KIF13A: variants seen among roughly 807,000 people sequenced by gnomAD.
KIF13A encodes kinesin family member 13A.
A neutral mutation model predicts 212.2 loss-of-function variants in KIF13A; 79 were observed. The ratio of observed to expected loss-of-function variants is 0.37; its 90% CI spans 0.31 to 0.45. KIF13A has a LOEUF of 0.45. Among genes scored for constraint, KIF13A ranks in the 20% least tolerant of loss-of-function variants. KIF13A has a pLI of 1.00. For missense variants in KIF13A, 1,901 were observed against 2,209.0 expected (o/e 0.86, Z 2.79); for synonymous variants, 789 against 808.6 (o/e 0.98, Z 0.41).
chr6:17,828,394 GA>G lies in KIF13A; in HGVS notation c.1402-25del. On this transcript the variant is annotated intron_variant, in intron 13 of 38. Transcript: ENST00000259711. The surrounding 1 kb of genome is among the most constrained non-coding windows in gnomAD (Gnocchi z 4.3). ...TCCTAGTAAAAGATTATTAAGGAAA[GA>G]AAAACCCACATTTATGAGTAACTCA... The G allele has an allele frequency of 1.3e-6, 2 of 1,595,324 alleles. No individual in the cohort carries two copies. Among genetic ancestry groups the G allele is most frequent in the Non-Finnish European group, 1.7e-6 (2 of 1,171,948 alleles).
chr6:17,812,326 C>G (rs1763499352), intron 17 of KIF13A: 1 of 151,584 alleles, frequency 6.6e-6, no homozygotes, highest in African/African-American at 2.4e-5. Context: ...TTTTTTTTTC[C>G]TGAGCCTCTC....
intron 2 of KIF13A, among the ~76,000 whole-genome samples, chr6:17,976,455 C>A (rs1194752431): frequency 6.6e-6 from 1 of 152,204 alleles, no homozygotes; most frequent in Non-Finnish European, 1.5e-5. Context: ...TTGCCCGGGG[C>A]CGGCAAGGCC....
chr6:17,931,261 C>G (rs577283474), intron 2 of KIF13A, among the ~76,000 whole-genome samples: 2 of 152,270 alleles, frequency 1.3e-5, no homozygotes, highest in Non-Finnish European at 2.9e-5. Context: ...TATACAAATT[C>G]TTTACTGTTC....
intron 34 of KIF13A, among the ~76,000 whole-genome samples, chr6:17,775,663 T>A (rs1473375695): frequency 2.0e-5 from 3 of 152,186 alleles, no homozygotes; most frequent in African/African-American, 7.2e-5. Flanking sequence ...AGGTTTTCTA[T>A]TTCTTCTTGA....
chr6:17,923,510 T>C (rs1409880207), intron 2 of KIF13A, among the ~76,000 whole-genome samples: 2 of 150,654 alleles, frequency 1.3e-5, no homozygotes, highest in Non-Finnish European at 3.0e-5. Flanking sequence ...ACCTGGAGGC[T>C]GCCAGGCATG....
At position 17,979,321 on chromosome 6, in the gene KIF13A, A is replaced by T. The variant is rs548496860; in HGVS notation, c.146+7733T>A. On this transcript the variant is annotated intron_variant, in intron 2 of 38. Coordinates refer to ENST00000259711, the MANE Select transcript of KIF13A (RefSeq NM_022113.6). ...AAAAAATTTCCAGCTTTTTGTATTA[A>T]CAAACTATCCTTATGAATGTGGGTA... 1.8e-4 allele frequency among the ~76,000 whole-genome samples: 28 copies of T among 152,352 alleles called. No individual in the cohort carries two copies. In the South Asian group the frequency reaches 5.8e-3, roughly 32 times the overall value.
At chr6:17,986,868 G>A (rs1309554381) in intron 2 of KIF13A, among the ~76,000 whole-genome samples, 186 bp downstream of exon 2, 2 of 152,228 alleles carry the variant, frequency 1.3e-5, no homozygotes, top group African/African-American at 2.4e-5. Context: ...CGCCGCTCTA[G>A]ATGGAGGAGA....
Position 17,789,820 on chromosome 6 carries a change from C to G in KIF13A, c.3261+52G>C. The stretch of plus-strand genomic sequence containing the variant: ...CTGGCCTCTGCTTTGCGAATGCTGG[C>G]AATTAGCAGTAGCTGTGCCCCATGC... On this transcript the variant is annotated intron_variant, in intron 26 of 38. Coordinates refer to ENST00000259711, the MANE Select transcript of KIF13A (RefSeq NM_022113.6). This position sits in a 1 kb window ranked among gnomAD's most constrained non-coding sequence, Gnocchi z 4.8. The G allele has an allele frequency of 2.0e-6, 3 of 1,528,382 alleles. No individual in the cohort carries two copies. The highest frequency in any genetic ancestry group is 2.7e-6 in the Non-Finnish European group (3 of 1,106,786). 94.7% of individuals were successfully genotyped at this position (1,528,382 alleles called of 1,614,324 possible).
At chr6:17,916,545 C>T (rs1774530795) in intron 2 of KIF13A, among the ~76,000 whole-genome samples, 1 of 152,210 alleles carries the variant, frequency 6.6e-6, no homozygotes, top group Non-Finnish European at 1.5e-5. Flanking sequence ...TTCCACTTAA[C>T]AGCATTTTAT....
At position 17,984,612 on chromosome 6, in the gene KIF13A, A is replaced by C; in HGVS notation, c.146+2442T>G. On this transcript the variant is annotated intron_variant, in intron 2 of 38. Coordinates refer to ENST00000259711, the MANE Select transcript of KIF13A (RefSeq NM_022113.6). The surrounding 1 kb of genome is among the most constrained non-coding windows in gnomAD (Gnocchi z 5.0). Reference sequence around the variant, plus strand: ...TTTTTTTTTTTTTCCCTGGACGTCAATGCATTCTCACTTGTTTTTACTGGT... The same window carrying C: ...TTTTTTTTTTTTTCCCTGGACGTCACTGCATTCTCACTTGTTTTTACTGGT... 1.1e-6 allele frequency: 1 copy of C among 885,856 alleles called. No individual in the cohort carries two copies. The highest frequency in any genetic ancestry group is 1.4e-6 in the Non-Finnish European group (1 of 739,324). 54.9% of individuals were successfully genotyped at this position (885,856 alleles called of 1,614,324 possible). A position where few individuals can be genotyped will look rare whatever the true frequency, so the allele number is the denominator to read the frequency against.
chr6:17,784,372 C>A (rs995789638), intron 28 of KIF13A, among the ~76,000 whole-genome samples: 2 of 152,050 alleles, frequency 1.3e-5, no homozygotes, highest in African/African-American at 4.8e-5. Context: ...GCACCAAGAT[C>A]GTGCCACTGG....
In KIF13A at chr6:17,855,138, G is replaced by C; in HGVS notation, c.494+299C>G. On this transcript the variant is annotated intron_variant, in intron 6 of 38. Coordinates refer to ENST00000259711, the MANE Select transcript of KIF13A (RefSeq NM_022113.6). The surrounding 1 kb of genome is among the most constrained non-coding windows in gnomAD (Gnocchi z 4.1). ...TTAGTGCCACTTTCCAATGTAAATGGAAGAACTAATGTGTTATTCCTAACT... is the reference window on the plus strand; with the variant it reads ...TTAGTGCCACTTTCCAATGTAAATGCAAGAACTAATGTGTTATTCCTAACT... Among the ~76,000 whole-genome samples, 1 of 152,054 alleles carries C rather than the reference G, an allele frequency of 6.6e-6. No individual in the cohort carries two copies. Among genetic ancestry groups the C allele is most frequent in the African/African-American group, 2.4e-5 (1 of 41,412 alleles).
At position 17,850,342 on chromosome 6, in the gene KIF13A, A is replaced by C; in HGVS notation, c.698T>G (p.Leu233Arg). The change falls in exon 8 of 39, where the codon CTT becomes CGT. Residue 233 changes from leucine to arginine, a missense_variant. By Grantham distance (102) the Leu-to-Arg change is moderately radical. Around this residue, in one of 5 missense-constraint regions of KIF13A, gnomAD observed 506 missense variants for 637.4 expected, o/e 0.79. Transcript: ENST00000259711. This position sits in a 1 kb window ranked among gnomAD's most constrained non-coding sequence, Gnocchi z 6.2. The part of the protein sequence containing the change: ...AVFNIIITQT[L>R]YDLQSGNSGE... ...CCTTACCCCAGACTGCAGGTCATAA[A>C]GTGTCTGTGTGATTATGATGTTGAA... 1.2e-6 allele frequency: 2 copies of C among 1,613,436 alleles called. No individual in the cohort carries two copies. Among genetic ancestry groups the C allele is most frequent in the Non-Finnish European group, 8.5e-7 (1 of 1,179,596 alleles).
chr6:17,930,532 C>G (rs1581765255), intron 2 of KIF13A, among the ~76,000 whole-genome samples: 1 of 152,202 alleles, frequency 6.6e-6, no homozygotes, highest in African/African-American at 2.4e-5. Context: ...CTTGCATTTG[C>G]TAAAGTTGCC....
chr6:17,802,093 G>T (rs1388929469), intron 20 of KIF13A, among the ~76,000 whole-genome samples: 1 of 152,086 alleles, frequency 6.6e-6, no homozygotes, highest in East Asian at 1.9e-4. Context: ...ACATGTTCTG[G>T]TAGTACTGCT....
At chr6:17,819,606 CCAAAAAACAAA>C (rs1201683091) in intron 16 of KIF13A, among the ~76,000 whole-genome samples, 4 of 145,118 alleles carry the variant, frequency 2.8e-5, no homozygotes, top group Non-Finnish European at 6.2e-5. Context: ...AAAACCCAAA[CCAAAAAACAAA>C]CAAAAAATCT....
intron 16 of KIF13A, chr6:17,821,933 C>T: frequency 2.0e-6 from 3 of 1,534,684 alleles, no homozygotes; most frequent in Admixed American, 2.0e-5. Context: ...TCACAGTGAA[C>T]ACCGTCCAGC....
chr6:17,980,037 A>G (rs536392135), intron 2 of KIF13A, among the ~76,000 whole-genome samples: 3 of 152,322 alleles, frequency 2.0e-5, no homozygotes, highest in East Asian at 3.9e-4. Flanking sequence ...AACTAATTCA[A>G]TAATTTTTTT....
intron 38 of KIF13A, among the ~76,000 whole-genome samples, chr6:17,767,010 T>A (rs1173473045): frequency 1.3e-5 from 2 of 152,222 alleles, no homozygotes; most frequent in Admixed American, 1.3e-4. Flanking sequence ...CAAAGGTGAA[T>A]ATCAAATATC....
Sources: allele counts gnomAD v4.1 joint callset (sites outside exome capture counted in the v4.1 genomes callset), GRCh38; gene constraint gnomAD v4.1.1; regional missense constraint gnomAD v4.1.1; non-coding constraint Gnocchi (gnomAD v3.1); transcripts MANE v1.5; gene names NCBI Gene and HGNC (gene_info 2026-07-23, HGNC 2026-07-21).